The following MTBP variants were observed in gnomAD, a reference collection of about 807,000 sequenced individuals.
The protein encoded by MTBP is mdm2-binding protein.
Under a neutral mutation model 117.0 loss-of-function variants are expected in MTBP, and 101 were observed. The observed-to-expected ratio is 0.86, with a 90% CI of 0.73 to 1.02. The LOEUF is 1.02. MTBP is among the 50% of genes least tolerant of loss of function. MTBP has a pLI of 0.00. For synonymous variants in MTBP, 350 were observed against 351.5 expected (o/e 1.00, Z 0.05); for missense variants, 970 against 1,030.9 (o/e 0.94, Z 0.81).
At chr8:120,487,764 C>T (rs1814249468) in intron 11 of MTBP, among the ~76,000 whole-genome samples, 1 of 152,222 alleles carries the variant, frequency 6.6e-6, no homozygotes. Flanking sequence ...CGAAAAGCTT[C>T]CCAGCTCCCA....
intron 9 of MTBP, 82 bp from the exon 10 acceptor site, chr8:120,463,610 G>GA: frequency 8.7e-7 from 1 of 1,148,688 alleles, no homozygotes; most frequent in Non-Finnish European, 1.2e-6. Flanking sequence ...AACTGTGGAA[G>GA]AATTGAAATA....
chr8:120,514,771 C>G (rs911147024), intron 17 of MTBP, among the ~76,000 whole-genome samples: 6 of 152,040 alleles, frequency 3.9e-5, no homozygotes, highest in African/African-American at 1.4e-4. Context: ...TTGCATGTTT[C>G]AGGCACTGAT....
At chr8:120,485,653 T>C (rs9297620) in intron 11 of MTBP, among the ~76,000 whole-genome samples, 1 of 152,236 alleles carries the variant, frequency 6.6e-6, no homozygotes. Context: ...CACTTGCTTT[T>C]CCCCTTCTGT....
rs575333616 is a variant in MTBP at position 120,476,886 on chromosome 8, G to A, written c.1165+5949G>A. Among the ~76,000 whole-genome samples the A allele has an allele frequency of 2.1e-4, 32 of 152,214 alleles. 1 individual carries two copies. In the South Asian group the frequency reaches 2.9e-3, roughly 14 times the overall value. ...CAAGCTACCACTGACTTTCTTCACA[G>A]AATTAGAAAAACTACTTTAAATTTC... On this transcript the variant is annotated intron_variant, in intron 11 of 21. Coordinates refer to ENST00000305949, the MANE Select transcript of MTBP (RefSeq NM_022045.5).
At chr8:120,475,952 G>A (rs1166151320) in intron 11 of MTBP, among the ~76,000 whole-genome samples, 1 of 151,874 alleles carries the variant, frequency 6.6e-6, no homozygotes, top group African/African-American at 2.4e-5. Context: ...ATATGCTGTG[G>A]ATTCATTATC....
intron 18 of MTBP, among the ~76,000 whole-genome samples, chr8:120,516,534 C>T (rs958843767): frequency 3.3e-5 from 5 of 151,982 alleles, no homozygotes; most frequent in African/African-American, 1.2e-4. Flanking sequence ...TCTTCCTTTC[C>T]TTTCCCCTCA....
intron 2 of MTBP, among the ~76,000 whole-genome samples, chr8:120,448,682 A>G (rs969914838): frequency 6.6e-6 from 1 of 152,222 alleles, no homozygotes; most frequent in Non-Finnish European, 1.5e-5. Flanking sequence ...GTCTTAAACT[A>G]TGCAGTTATA....
In MTBP at chr8:120,517,966, A is replaced by G. The variant is rs746923910; in HGVS notation, c.2362A>G (p.Thr788Ala). 1.1e-5 allele frequency: 18 copies of G among 1,612,726 alleles called. No homozygotes were observed. In the Admixed American group the frequency reaches 3.0e-4, roughly 27 times the overall value. Residue 788 changes from threonine (T) to alanine (A), a missense_variant, in exon 19 of 22, where the codon ACT becomes GCT. Coordinates refer to ENST00000305949, the MANE Select transcript of MTBP (RefSeq NM_022045.5). ...KPQTERSLPV[T>A]CPLVPIPSCE... ...ACAAACAGAACGGTCCTTACCAGTG[A>G]CTTGTCCATTGGTTCCAATTCCTAG...
chr8:120,464,812 C>A (rs1813654120), intron 10 of MTBP, among the ~76,000 whole-genome samples: 1 of 151,876 alleles, frequency 6.6e-6, no homozygotes, highest in Admixed American at 6.6e-5. Flanking sequence ...TAAAATTTAT[C>A]TTTTATCATT....
At chr8:120,484,787 C>T (rs6469931) in intron 11 of MTBP, among the ~76,000 whole-genome samples, 31,592 of 152,096 alleles carry the variant, frequency 0.21, 3,450 homozygotes, top group Middle Eastern at 0.27. Flanking sequence ...AAACCCCATA[C>T]GTGTTAGCAA....
chr8:120,496,237 T>G (rs1814454415), intron 13 of MTBP, among the ~76,000 whole-genome samples: 1 of 152,196 alleles, frequency 6.6e-6, no homozygotes, highest in African/African-American at 2.4e-5. Flanking sequence ...GAGCATGCTT[T>G]GTTCATGACT....
intron 15 of MTBP, 149 bp downstream of exon 15, chr8:120,502,758 C>T (rs372831631): frequency 5.4e-6 from 3 of 554,596 alleles, no homozygotes; most frequent in East Asian, 6.2e-5. Flanking sequence ...TAGTTAATCA[C>T]TAGAGTAGTA....
In MTBP at chr8:120,523,438, C is replaced by G; in HGVS notation, c.*102C>G. On this transcript the variant is annotated 3_prime_UTR_variant, in exon 22 of 22. Coordinates refer to ENST00000305949, the MANE Select transcript of MTBP (RefSeq NM_022045.5). ...TTATAAACAAATTTTAAGCTTTATT[C>G]AAAGAATAGATGTTATATTTCTAAA... 1 of 659,848 alleles carries G rather than the reference C, an allele frequency of 1.5e-6. No homozygotes were observed. The highest frequency in any genetic ancestry group is 2.5e-6 in the Non-Finnish European group (1 of 396,872). 40.9% of individuals were successfully genotyped at this position (659,848 alleles called of 1,614,324 possible).
chr8:120,504,216 A>G (rs1814647508), intron 15 of MTBP, among the ~76,000 whole-genome samples: 1 of 152,156 alleles, frequency 6.6e-6, no homozygotes, highest in African/African-American at 2.4e-5. Context: ...AAGAGTGAGA[A>G]AAGGACAGGT....
At chr8:120,513,145 T>A (rs7814949) in intron 17 of MTBP, among the ~76,000 whole-genome samples, 132,854 of 151,992 alleles carry the variant, frequency 0.87, 58,234 homozygotes, top group Non-Finnish European at 0.91. Context: ...ATTAAACAGC[T>A]AATTAAACTC....
At chr8:120,449,390 G>A (rs1176916561) in intron 2 of MTBP, among the ~76,000 whole-genome samples, 1 of 152,152 alleles carries the variant, frequency 6.6e-6, no homozygotes, top group Non-Finnish European at 1.5e-5. Context: ...AAGTAAAAAT[G>A]TAAAAATGTT....
In MTBP at chr8:120,523,288, C is replaced by T; in HGVS notation, c.2677-10C>T. The T allele has an allele frequency of 6.6e-7, 1 of 1,525,244 alleles. No homozygotes were observed. The highest frequency in any genetic ancestry group is 8.9e-7 in the Non-Finnish European group (1 of 1,124,354). The allele number at this position is 1,525,244 out of a possible 1,614,324, so 94.5% of individuals were successfully genotyped here. A position where few individuals can be genotyped will look rare whatever the true frequency, so the allele number is the denominator to read the frequency against. On this transcript the variant is annotated splice_polypyrimidine_tract_variant and intron_variant, in intron 21 of 21. Coordinates refer to ENST00000305949, the MANE Select transcript of MTBP (RefSeq NM_022045.5). Reference sequence around the variant, plus strand: ...GAAATCTTCTGTAATCATATTTTTTCTCCCCCTAGGTGATTGACTGGGTAT... The same window carrying T: ...GAAATCTTCTGTAATCATATTTTTTTTCCCCCTAGGTGATTGACTGGGTAT...
chr8:120,475,835 T>G (rs1314415868), intron 11 of MTBP, among the ~76,000 whole-genome samples: 1 of 152,010 alleles, frequency 6.6e-6, no homozygotes, highest in Non-Finnish European at 1.5e-5. Context: ...TTTACAGAGA[T>G]ATTTTATGAA....
rs886174294 is a variant in MTBP at position 120,455,477 on chromosome 8, A to T, written c.527A>T (p.Asp176Val). ...ATAATACTGTTGCTTTCTGACAAAG[A>T]TCCTCCTAAATTGAAAGACTATTTA... is the stretch of plus-strand genomic sequence containing the variant. ...VDIILLLSDK[D>V]PPKLKDYLPT... Residue 176 changes from aspartate to valine, a missense_variant, in exon 6 of 22, where the codon GAT becomes GTT. Asp to Val is a radical substitution (Grantham distance 152). Transcript: ENST00000305949. 1 of 1,608,666 alleles carries T rather than the reference A, an allele frequency of 6.2e-7. No homozygotes were observed. The highest frequency in any genetic ancestry group is 8.5e-7 in the Non-Finnish European group (1 of 1,176,386).
Sources: allele counts gnomAD v4.1 joint callset (sites outside exome capture counted in the v4.1 genomes callset), GRCh38; gene constraint gnomAD v4.1.1; transcripts MANE v1.5; gene names NCBI Gene and HGNC (gene_info 2026-07-23, HGNC 2026-07-21).